MTHFS: variants seen among roughly 807,000 people sequenced by gnomAD.
The protein encoded by MTHFS is methenyltetrahydrofolate synthetase.
Under a neutral mutation model 12.7 loss-of-function variants are expected in MTHFS, and 7 were observed. The ratio of observed to expected loss-of-function variants is 0.55; its 90% CI spans 0.31 to 1.03. MTHFS has a LOEUF of 1.03. Ranked by LOEUF, MTHFS falls within the 50% of genes least tolerant of loss-of-function variation. The pLI is 0.05. For synonymous variants in MTHFS, 100 were observed against 97.1 expected (o/e 1.03, Z -0.18); for missense variants, 252 against 258.1 (o/e 0.98, Z 0.16).
At chr15:79,872,607 T>C in intron 2 of MTHFS, among the ~76,000 whole-genome samples, 1 of 152,198 alleles carries the variant, frequency 6.6e-6, no homozygotes, top group Non-Finnish European at 1.5e-5. Context: ...TGGCTATATG[T>C]AAATTAAGGG....
At chr15:79,881,440 A>G (rs986573993) in intron 2 of MTHFS, among the ~76,000 whole-genome samples, 1 of 152,238 alleles carries the variant, frequency 6.6e-6, no homozygotes, top group Non-Finnish European at 1.5e-5. Flanking sequence ...AGCCGCTGCA[A>G]AAGATAAAAT....
intron 2 of MTHFS, 74 bp downstream of exon 2, chr15:79,889,019 C>T: frequency 6.4e-7 from 1 of 1,560,766 alleles, no homozygotes; most frequent in Non-Finnish European, 8.7e-7. Context: ...TCCCACTGAC[C>T]CACACATAAC....
intron 1 of MTHFS, among the ~76,000 whole-genome samples, chr15:79,896,532 C>T (rs2034571947): frequency 6.6e-6 from 1 of 152,252 alleles, no homozygotes; most frequent in Admixed American, 6.5e-5. Flanking sequence ...CGTGCTCTCA[C>T]CACAGCACCG....
At chr15:79,880,609 A>C (rs1243053790) in intron 2 of MTHFS, among the ~76,000 whole-genome samples, 2 of 151,970 alleles carry the variant, frequency 1.3e-5, no homozygotes, top group Non-Finnish European at 2.9e-5. Flanking sequence ...CTAAGCCCAA[A>C]CACACCAAAA....
intron 2 of MTHFS, 86 bp downstream of exon 2, chr15:79,889,007 A>C: frequency 6.5e-7 from 1 of 1,526,806 alleles, no homozygotes. Context: ...AGGAAAAGCA[A>C]CTCCCACTGA....
At chr15:79,871,076 G>A (rs2034096733) in intron 2 of MTHFS, among the ~76,000 whole-genome samples, 1 of 151,626 alleles carries the variant, frequency 6.6e-6, no homozygotes, top group South Asian at 2.1e-4. Flanking sequence ...CTGGGAGGTG[G>A]AAGTTGCAGT....
At chr15:79,889,853 C>A (rs996465284) in intron 1 of MTHFS, among the ~76,000 whole-genome samples, 1 of 152,140 alleles carries the variant, frequency 6.6e-6, no homozygotes, top group African/African-American at 2.4e-5. Flanking sequence ...CTGCCGAACC[C>A]TTACTACATT....
intron 2 of MTHFS, among the ~76,000 whole-genome samples, chr15:79,852,662 C>A (rs1451412010): frequency 6.6e-6 from 1 of 152,126 alleles, no homozygotes; most frequent in African/African-American, 2.4e-5. Context: ...AACATTTGCA[C>A]CAGAATACAG....
intron 1 of MTHFS, 154 bp downstream of exon 1, chr15:79,896,717 CG>C: frequency 2.2e-6 from 2 of 900,450 alleles, no homozygotes; most frequent in African/African-American, 3.1e-5. Flanking sequence ...GACTAGGGGG[CG>C]TGCGCGCGCC....
chr15:79,845,698 T>C (rs2033601449), intron 2 of MTHFS, among the ~76,000 whole-genome samples: 1 of 152,202 alleles, frequency 6.6e-6, no homozygotes, highest in Non-Finnish European at 1.5e-5. Context: ...CCAGGCCTCA[T>C]TCATAACTAG....
chr15:79,894,396 T>A (rs554143691), intron 1 of MTHFS, among the ~76,000 whole-genome samples: 1 of 152,122 alleles, frequency 6.6e-6, no homozygotes, highest in East Asian at 1.9e-4. Context: ...AAAAAGAAAA[T>A]ATTAAATTTC....
At chr15:79,889,496 T>A in intron 1 of MTHFS, 142 bp from the exon 2 acceptor site, 1 of 1,294,210 alleles carries the variant, frequency 7.7e-7, no homozygotes, top group Non-Finnish European at 1.0e-6. Context: ...CAGAGTGATA[T>A]AGTGGGTCAG....
chr15:79,894,224 T>C (rs1004543314), intron 1 of MTHFS, among the ~76,000 whole-genome samples: 1 of 151,984 alleles, frequency 6.6e-6, no homozygotes, highest in African/African-American at 2.4e-5. Context: ...CTACTAAAAA[T>C]AGAAAAATTA....
At chr15:79,853,787 C>T (rs1173619558) in intron 2 of MTHFS, among the ~76,000 whole-genome samples, 1 of 152,118 alleles carries the variant, frequency 6.6e-6, no homozygotes, top group Non-Finnish European at 1.5e-5. Flanking sequence ...ATACAGTCTC[C>T]GAAACACGTG....
At position 79,845,239 on chromosome 15, in the gene MTHFS, C is replaced by T. The variant is rs77252492; in HGVS notation, c.583G>A (p.Val195Ile). 1.2e-6 allele frequency: 2 copies of T among 1,614,080 alleles called. No individual in the cohort carries two copies. The highest frequency in any genetic ancestry group is 1.7e-6 in the Non-Finnish European group (2 of 1,180,042). The change falls in exon 3 of 3, where the codon GTC becomes ATC. Residue 195 changes from valine (V) to isoleucine (I), a missense_variant. By Grantham distance (29) the Val-to-Ile change is conservative. Coordinates refer to ENST00000258874, the MANE Select transcript of MTHFS (RefSeq NM_006441.4). ...GCTGTTGACGAGTCTTCGTAAAGGA[C>T]TTCATCTACCTTCATGTCGTTTTCA... Reference protein sequence around the residue: ...VNENDMKVDEVLYEDSSTA With the variant: ...VNENDMKVDEILYEDSSTA
intron 2 of MTHFS, among the ~76,000 whole-genome samples, chr15:79,848,083 C>A (rs946410313): frequency 6.6e-6 from 1 of 152,090 alleles, no homozygotes; most frequent in Admixed American, 6.5e-5. Context: ...TCCCAAGTGC[C>A]AAGATATGGA....
intron 2 of MTHFS, among the ~76,000 whole-genome samples, chr15:79,851,877 T>C (rs1193318810): frequency 6.6e-6 from 1 of 152,154 alleles, no homozygotes; most frequent in African/African-American, 2.4e-5. Flanking sequence ...AGGAGAGGGG[T>C]TAAGTGTGTA....
intron 1 of MTHFS, among the ~76,000 whole-genome samples, chr15:79,894,993 T>C (rs1326527953): frequency 6.6e-6 from 1 of 152,244 alleles, no homozygotes; most frequent in Non-Finnish European, 1.5e-5. Flanking sequence ...GCTGCCATTA[T>C]ACTCTTCCTA....
At chr15:79,891,879 GA>G (rs1441193106) in intron 1 of MTHFS, among the ~76,000 whole-genome samples, 1 of 138,346 alleles carries the variant, frequency 7.2e-6, no homozygotes, top group South Asian at 2.3e-4. Flanking sequence ...GAGGCAGAAG[GA>G]TCACTTGAAC....
Sources: gnomAD v4.1 joint callset for allele counts (sites outside exome capture counted in the v4.1 genomes callset) on GRCh38, gnomAD v4.1.1 for gene constraint, MANE v1.5 for transcripts, NCBI Gene and HGNC (gene_info 2026-07-23, HGNC 2026-07-21) for gene names.